Variants in CCNT1 observed in about 807,000 individuals in gnomAD.
The protein encoded by CCNT1 is cyclin T1.
CCNT1 carries 18 observed loss-of-function variants against 67.3 expected under a neutral mutation model. The observed-to-expected ratio is 0.27, with a 90% CI of 0.18 to 0.40. CCNT1 has a LOEUF of 0.40. Among genes scored for constraint, CCNT1 ranks in the 10% least tolerant of loss-of-function variants. The pLI is 1.00. For missense variants in CCNT1, 744 were observed against 884.9 expected (o/e 0.84, Z 2.02); for synonymous variants, 333 against 310.3 (o/e 1.07, Z -0.77).
At chr12:48,707,971 C>T (rs1034688857) in intron 2 of CCNT1, among the ~76,000 whole-genome samples, 2 of 152,024 alleles carry the variant, frequency 1.3e-5, no homozygotes, top group African/African-American at 4.8e-5. Context: ...GTCCCACCTA[C>T]TCGGGAGAAT....
intron 2 of CCNT1, 28 bp downstream of exon 2, chr12:48,714,415 T>A (rs1384151847): frequency 1.4e-6 from 2 of 1,380,172 alleles, no homozygotes; most frequent in Middle Eastern, 1.8e-4. Flanking sequence ...CACAAAAGGA[T>A]TATATCATAT....
chr12:48,704,039 C>G (rs1183600209), intron 3 of CCNT1, among the ~76,000 whole-genome samples: 1 of 152,074 alleles, frequency 6.6e-6, no homozygotes, highest in East Asian at 1.9e-4. Flanking sequence ...ACATATATAT[C>G]ATTAAATACT....
chr12:48,706,673 T>C (rs942955231), intron 2 of CCNT1, among the ~76,000 whole-genome samples: 5 of 152,162 alleles, frequency 3.3e-5, no homozygotes, highest in African/African-American at 4.8e-5. Context: ...AACATTTCAG[T>C]GACTCAAAGA....
intron 2 of CCNT1, among the ~76,000 whole-genome samples, chr12:48,713,687 G>C (rs1437829818): frequency 6.6e-6 from 1 of 152,106 alleles, no homozygotes; most frequent in Non-Finnish European, 1.5e-5. Flanking sequence ...GGGAGGCTAC[G>C]GCAGGAGGAC....
chr12:48,699,077 G>A lies in CCNT1; in HGVS notation c.496+701C>T, dbSNP rs115428879. Reference sequence around the variant, plus strand: ...AATTTAACTTCTTCCAAAACAAACTGTTCTGGGTGACAAAGCAAATTTTTA... The same window carrying A: ...AATTTAACTTCTTCCAAAACAAACTATTCTGGGTGACAAAGCAAATTTTTA... On this transcript the variant is annotated intron_variant, in intron 5 of 8. Coordinates refer to ENST00000261900, the MANE Select transcript of CCNT1 (RefSeq NM_001240.4). Among the ~76,000 whole-genome samples, 406 of 152,022 alleles carry A rather than the reference G, an allele frequency of 2.7e-3. 1 individual carries two copies. The highest frequency in any genetic ancestry group is 4.7e-3 in the Non-Finnish European group (317 of 67,982).
chr12:48,714,068 T>C (rs1940497653), intron 2 of CCNT1, among the ~76,000 whole-genome samples: 2 of 152,150 alleles, frequency 1.3e-5, no homozygotes. Flanking sequence ...ACTTGCTTTT[T>C]GTTTTTGTTT....
At chr12:48,714,136 G>A (rs1940498679) in intron 2 of CCNT1, among the ~76,000 whole-genome samples, 1 of 152,100 alleles carries the variant, frequency 6.6e-6, no homozygotes, top group South Asian at 2.1e-4. Flanking sequence ...TTGAACTCCT[G>A]GGCTCAAGTG....
At position 48,693,688 on chromosome 12, in the gene CCNT1, T is replaced by C. The variant is rs746103551; in HGVS notation, c.1526A>G (p.Lys509Arg). 6.2e-7 allele frequency: 1 copy of C among 1,614,174 alleles called. No individual in the cohort carries two copies. Among genetic ancestry groups the C allele is most frequent in the South Asian group, 1.1e-5 (1 of 91,088 alleles). The change falls in exon 9 of 9, where the codon AAG becomes AGG. Residue 509 changes from lysine (K) to arginine (R), a missense_variant. Lys to Arg is a conservative substitution (Grantham distance 26). Coordinates refer to ENST00000261900, the MANE Select transcript of CCNT1 (RefSeq NM_001240.4). ...SVTKSREHKE[K>R]HKTHPSNHHH... is the part of the protein sequence containing the mutation. ...ATGATTAGATGGGTGAGTCTTGTGC[T>C]TTTCTTTGTGCTCTCGGCTCTTTGT... is the stretch of plus-strand genomic sequence containing the variant.
In CCNT1 at chr12:48,693,677, G is replaced by A. The variant is rs747030494; in HGVS notation, c.1537C>T (p.His513Tyr). The A allele has an allele frequency of 1.9e-6, 3 of 1,614,120 alleles. No homozygotes were observed. Among genetic ancestry groups the A allele is most frequent in the Non-Finnish European group, 2.5e-6 (3 of 1,180,018 alleles). The change falls in exon 9 of 9, where the codon CAC becomes TAC. Residue 513 changes from histidine to tyrosine, a missense_variant. His to Tyr is a moderately conservative substitution (Grantham distance 83). This residue lies in a region of CCNT1 where 564 missense variants were observed against 574.2 expected (regional missense o/e 0.98). Coordinates refer to ENST00000261900, the MANE Select transcript of CCNT1 (RefSeq NM_001240.4). ...TGATGATGATGATGATTAGATGGGT[G>A]AGTCTTGTGCTTTTCTTTGTGCTCT... The part of the protein sequence containing the change: ...SREHKEKHKT[H>Y]PSNHHHHHNH...
intron 2 of CCNT1, among the ~76,000 whole-genome samples, chr12:48,707,039 C>T (rs1178406771): frequency 6.6e-6 from 1 of 152,140 alleles, no homozygotes; most frequent in East Asian, 1.9e-4. Flanking sequence ...GAGACTCCAT[C>T]TCCATACACA....
At position 48,694,724 on chromosome 12, in the gene CCNT1, A is replaced by T. The variant is rs141285905; in HGVS notation, c.778-288T>A. Among the ~76,000 whole-genome samples, 10 of 152,394 alleles carry T rather than the reference A, an allele frequency of 6.6e-5. No homozygotes were observed. In the East Asian group the frequency reaches 1.7e-3, roughly 26 times the overall value. ...CATCCATGCCTTCGCTTATGATTAT[A>T]GTTAGTCCATAACTGAGTTCTAGAA... On this transcript the variant is annotated intron_variant, in intron 8 of 8. Transcript: ENST00000261900.
Position 48,691,916 on chromosome 12 carries a change from T to A in CCNT1, c.*1117A>T, listed in dbSNP as rs1940080864. 6.6e-6 allele frequency: 1 copy of A among 152,194 alleles called. No homozygotes were observed. Among genetic ancestry groups the A allele is most frequent in the African/African-American group, 2.4e-5 (1 of 41,446 alleles). 9.4% of individuals were successfully genotyped at this position (152,194 alleles called of 1,614,324 possible). A position where few individuals can be genotyped will look rare whatever the true frequency, so the allele number is the denominator to read the frequency against. On this transcript the variant is annotated 3_prime_UTR_variant, in exon 9 of 9. Coordinates refer to ENST00000261900, the MANE Select transcript of CCNT1 (RefSeq NM_001240.4). ...TCATTGTTTTTAGTATCCTCTAGCT[T>A]CTCCCATATGGTTTGGGCTTTCACA...
Position 48,705,736 on chromosome 12 carries a change from T to G in CCNT1, c.372+32A>C, listed in dbSNP as rs758965958. On this transcript the variant is annotated intron_variant, in intron 3 of 8. Transcript: ENST00000261900. ...GGAAAAAAAAAGAAAGGAAAAAAAT[T>G]AAGAAAAACAGATGTGTAATTAATC... 12 of 1,575,518 alleles carry G rather than the reference T, an allele frequency of 7.6e-6. No individual in the cohort carries two copies. In the East Asian group the frequency reaches 2.7e-4, roughly 36 times the overall value.
rs1182795541 is a variant in CCNT1 at position 48,694,358 on chromosome 12, T to C, written c.856A>G (p.Met286Val). ...GTGTCTGAAGAGCTCTGGGAAATCA[T>C]ATTGAGGATTGTCTGCTCTGAAGTC... ...EKTSEQTILNMISQSSSDTTI... is the reference protein window; with the variant it reads ...EKTSEQTILNVISQSSSDTTI... Residue 286 changes from methionine to valine, a missense_variant, in exon 9 of 9, where the codon ATG becomes GTG. This residue lies in a region of CCNT1 where 564 missense variants were observed against 574.2 expected (regional missense o/e 0.98). Coordinates refer to ENST00000261900, the MANE Select transcript of CCNT1 (RefSeq NM_001240.4). The C allele has an allele frequency of 2.5e-6, 4 of 1,614,214 alleles. No individual in the cohort carries two copies. The highest frequency in any genetic ancestry group is 2.5e-6 in the Non-Finnish European group (3 of 1,180,022).
chr12:48,699,334 C>G (rs1940228797), intron 5 of CCNT1, among the ~76,000 whole-genome samples: 1 of 152,096 alleles, frequency 6.6e-6, no homozygotes, highest in South Asian at 2.1e-4. Context: ...TGATACTAAA[C>G]TAAATAAGAG....
chr12:48,696,096 C>G lies in CCNT1; in HGVS notation c.609G>C (p.Leu203=). 1 of 1,613,902 alleles carries G rather than the reference C, an allele frequency of 6.2e-7. No individual in the cohort carries two copies. Among genetic ancestry groups the G allele is most frequent in the Non-Finnish European group, 8.5e-7 (1 of 1,179,898 alleles). ...TCTCCCAATTGGACCACTTGCAAGCCAGGTGAATGCAGACACAGGCCACCA... is the reference window on the plus strand; with the variant it reads ...TCTCCCAATTGGACCACTTGCAAGCGAGGTGAATGCAGACACAGGCCACCA... ...PPVVACVCIH[L]ACKWSNWEIP... The change falls in exon 7 of 9, where the codon CTG becomes CTC. Residue 203 remains leucine (L), a synonymous_variant. Coordinates refer to ENST00000261900, the MANE Select transcript of CCNT1 (RefSeq NM_001240.4).
rs769593395 is a variant in CCNT1, at chr12:48,701,099, T to C, written c.373-26A>G. On this transcript the variant is annotated intron_variant, in intron 3 of 8. Coordinates refer to ENST00000261900, the MANE Select transcript of CCNT1 (RefSeq NM_001240.4). ...CTAAAAGTGAGAAGACAGAAATTAT[T>C]CCCTACAAAGGCACAATATATAAAG... 8 of 1,447,196 alleles carry C rather than the reference T, an allele frequency of 5.5e-6. No individual in the cohort carries two copies. The South Asian group carries it at 9.9e-5, about 18-fold the overall frequency. The allele number at this position is 1,447,196 out of a possible 1,614,324, so 89.6% of individuals were successfully genotyped here. A position where few individuals can be genotyped will look rare whatever the true frequency, so the allele number is the denominator to read the frequency against.
rs1413268957 is a variant in CCNT1 at position 48,691,813 on chromosome 12, G to A, written c.*1220C>T. 1.3e-5 allele frequency: 2 copies of A among 151,982 alleles called. No individual in the cohort carries two copies. The highest frequency in any genetic ancestry group is 4.8e-5 in the African/African-American group (2 of 41,352). The allele number at this position is 151,982 out of a possible 1,614,324, so 9.4% of individuals were successfully genotyped here. ...CTTGAGGATGTAGCTGTTTCCCTTC[G>A]GATATACACATAAAAAGCATGTCTT... On this transcript the variant is annotated 3_prime_UTR_variant, in exon 9 of 9. Coordinates refer to ENST00000261900, the MANE Select transcript of CCNT1 (RefSeq NM_001240.4).
At position 48,714,359 on chromosome 12, in the gene CCNT1, C is replaced by G. The variant is rs1940501829; in HGVS notation, c.243+84G>C. On this transcript the variant is annotated intron_variant, in intron 2 of 8. Coordinates refer to ENST00000261900, the MANE Select transcript of CCNT1 (RefSeq NM_001240.4). ...AAATTCTAAAGTTCAAGTTACAGTT[C>G]AGTAGCAAAGACCAACCACAAATGG... The G allele has an allele frequency of 5.0e-6, 4 of 804,848 alleles. No homozygotes were observed. The Admixed American group carries it at 7.7e-5, about 16-fold the overall frequency. 49.9% of individuals were successfully genotyped at this position (804,848 alleles called of 1,614,324 possible). A position where few individuals can be genotyped will look rare whatever the true frequency, so the allele number is the denominator to read the frequency against.
Sources: gnomAD v4.1 joint callset for allele counts (sites outside exome capture counted in the v4.1 genomes callset) on GRCh38, gnomAD v4.1.1 for gene constraint, gnomAD v4.1.1 regional missense constraint, MANE v1.5 for transcripts, NCBI Gene and HGNC (gene_info 2026-07-23, HGNC 2026-07-21) for gene names.